Variants in ALG14 observed in about 807,000 individuals in gnomAD.
ALG14 encodes the protein UDP-N-acetylglucosamine transferase subunit ALG14.
Under a neutral mutation model 22.8 loss-of-function variants are expected in ALG14, and 17 were observed. That is an observed-to-expected ratio of 0.75 (90% CI 0.51 to 1.12). The LOEUF (loss-of-function observed/expected upper bound fraction) is 1.12, where lower values mean the gene tolerates loss of function less well. Ranked by LOEUF, ALG14 falls within the 50% of genes most tolerant of loss-of-function variation. ALG14 has a pLI of 0.00. For missense variants in ALG14, 288 were observed against 271.8 expected (o/e 1.06, Z -0.42); for synonymous variants, 89 against 103.7 (o/e 0.86, Z 0.86).
intron 1 of ALG14, among the ~76,000 whole-genome samples, chr1:95,071,847 A>G (rs1328206198): frequency 6.6e-6 from 1 of 152,228 alleles, no homozygotes; most frequent in Non-Finnish European, 1.5e-5. Flanking sequence ...AATTATTACA[A>G]GATTATAGCA....
intron 3 of ALG14, among the ~76,000 whole-genome samples, chr1:95,018,813 G>A (rs553758406): frequency 6.6e-6 from 1 of 152,290 alleles, no homozygotes; most frequent in Non-Finnish European, 1.5e-5. Context: ...AACTGCAACA[G>A]GCAAATTGGC....
Position 95,065,013 on chromosome 1 carries a change from C to A in ALG14, c.141G>T (p.Gly47=), listed in dbSNP as rs954876014. The A allele has an allele frequency of 1.9e-6, 3 of 1,609,174 alleles. No individual in the cohort carries two copies. The highest frequency in any genetic ancestry group is 1.3e-5 in the African/African-American group (1 of 74,636). Residue 47 remains glycine (G), a synonymous_variant, in exon 2 of 4, where the codon GGG becomes GGT. Coordinates refer to ENST00000370205, the MANE Select transcript of ALG14 (RefSeq NM_144988.4). ...LSILVVAGSG[G]HTTEILRLLG... is the part of the protein sequence containing the mutation. ...GCAGCCTCAGGATCTCAGTGGTATG[C>A]CCACCTGGAAAAAATATCAGAAGTC... is the stretch of plus-strand genomic sequence containing the variant.
At chr1:95,025,375 G>C (rs1673782473) in intron 3 of ALG14, among the ~76,000 whole-genome samples, 1 of 152,142 alleles carries the variant, frequency 6.6e-6, no homozygotes, top group Non-Finnish European at 1.5e-5. Context: ...TCCACTTACA[G>C]AGCACAGGCA....
chr1:95,008,623 G>T lies in ALG14; in HGVS notation c.420+18506C>A, dbSNP rs562768547. 8.7e-4 allele frequency among the ~76,000 whole-genome samples: 132 copies of T among 152,220 alleles called. 1 individual carries two copies. Among genetic ancestry groups the T allele is most frequent in the African/African-American group, 3.1e-3 (127 of 41,556 alleles). ...TGGATTTAAATGATCCAGTAAGTGG[G>T]TAGCAGGAGAGCTATGGTTGTATAA... is the stretch of plus-strand genomic sequence containing the variant. On this transcript the variant is annotated intron_variant, in intron 3 of 3. Coordinates refer to ENST00000370205, the MANE Select transcript of ALG14 (RefSeq NM_144988.4).
chr1:95,028,680 T>G (rs147183319), intron 2 of ALG14, among the ~76,000 whole-genome samples: 1,474 of 132,700 alleles, frequency 0.011, 21 homozygotes, highest in African/African-American at 0.038. Context: ...ATAGCTGTAG[T>G]CTCAGCTATT....
rs544532992 is a variant in ALG14 at position 95,065,942 on chromosome 1, C to T, written c.137-925G>A. On this transcript the variant is annotated intron_variant, in intron 1 of 3. Transcript: ENST00000370205. The stretch of plus-strand genomic sequence containing the variant: ...AATAGAATATCTACCTATCTATAAA[C>T]GATTTAAGCACAACAGTCAAACTCC... Among the ~76,000 whole-genome samples the T allele has an allele frequency of 6.6e-5, 10 of 152,268 alleles. 1 individual carries two copies. The highest frequency in any genetic ancestry group is 6.2e-4 in the South Asian group (3 of 4,826).
In ALG14 at chr1:94,995,641, G is replaced by A. The variant is rs145628558; in HGVS notation, c.421-12335C>T. On this transcript the variant is annotated intron_variant, in intron 3 of 3. Coordinates refer to ENST00000370205, the MANE Select transcript of ALG14 (RefSeq NM_144988.4). ...GGCAAGACAACTGCTTGGACCTGGC[G>A]GGGCAGAGGATGCAGTGAGCTGAGA... Among the ~76,000 whole-genome samples, 502 of 152,310 alleles carry A rather than the reference G, an allele frequency of 3.3e-3. 1 individual carries two copies. Among genetic ancestry groups the A allele is most frequent in the African/African-American group, 0.011 (477 of 41,568 alleles).
At chr1:95,032,738 A>T (rs1206122734) in intron 2 of ALG14, among the ~76,000 whole-genome samples, 5 of 152,112 alleles carry the variant, frequency 3.3e-5, no homozygotes, top group Admixed American at 2.0e-4. Context: ...GTAGATGGGA[A>T]CCCGGGCCAT....
At chr1:94,995,471 G>A (rs574664299) in intron 3 of ALG14, among the ~76,000 whole-genome samples, 16 of 152,198 alleles carry the variant, frequency 1.1e-4, no homozygotes, top group Non-Finnish European at 2.1e-4. Context: ...CCAGCACTTC[G>A]GGAGGCCGAG....
At chr1:94,984,887 A>G (rs1672597012) in intron 3 of ALG14, among the ~76,000 whole-genome samples, 1 of 152,218 alleles carries the variant, frequency 6.6e-6, no homozygotes, top group South Asian at 2.1e-4. Flanking sequence ...TTTTACGTGT[A>G]TTACATTTTA....
chr1:94,976,821 T>C lies in ALG14; in HGVS notation c.*6255A>G, dbSNP rs181189917. On this transcript the variant is annotated 3_prime_UTR_variant, in exon 4 of 4. Coordinates refer to ENST00000370205, the MANE Select transcript of ALG14 (RefSeq NM_144988.4). ...ATGTCATTCCTCTGATTATGTTACATTAACATGGCAAAAGGGACGTAATTA... is the reference window on the plus strand; with the variant it reads ...ATGTCATTCCTCTGATTATGTTACACTAACATGGCAAAAGGGACGTAATTA... 6.6e-6 allele frequency: 1 copy of C among 152,330 alleles called. No homozygotes were observed. The highest frequency in any genetic ancestry group is 2.4e-5 in the African/African-American group (1 of 41,566). The allele number at this position is 152,330 out of a possible 1,614,324, so 9.4% of individuals were successfully genotyped here.
At chr1:95,034,079 C>T (rs916416817) in intron 2 of ALG14, among the ~76,000 whole-genome samples, 4 of 152,190 alleles carry the variant, frequency 2.6e-5, no homozygotes, top group Non-Finnish European at 4.4e-5. Context: ...ATGTGTCAGA[C>T]TCACTCCTTC....
At chr1:95,053,133 A>G (rs1201215513) in intron 2 of ALG14, among the ~76,000 whole-genome samples, 2 of 152,192 alleles carry the variant, frequency 1.3e-5, no homozygotes, top group African/African-American at 2.4e-5. Context: ...AAATTCTGCT[A>G]TATGTCATTT....
intron 1 of ALG14, 85 bp from the exon 2 acceptor site, chr1:95,065,102 C>A: frequency 8.0e-7 from 1 of 1,255,472 alleles, no homozygotes. Flanking sequence ...ATCATGGTTT[C>A]AGGTTGGGGG....
rs1050399193 is a variant in ALG14 at position 94,978,355 on chromosome 1, C to G, written c.*4721G>C. Reference sequence around the variant, plus strand: ...GGATTACAGGCGTGAGCCACCATGCCTGGCCAAATAATTTATGTATTTAAT... The same window carrying G: ...GGATTACAGGCGTGAGCCACCATGCGTGGCCAAATAATTTATGTATTTAAT... On this transcript the variant is annotated 3_prime_UTR_variant, in exon 4 of 4. Coordinates refer to ENST00000370205, the MANE Select transcript of ALG14 (RefSeq NM_144988.4). The G allele has an allele frequency of 1.3e-5, 2 of 152,240 alleles. No individual in the cohort carries two copies. Among genetic ancestry groups the G allele is most frequent in the African/African-American group, 4.8e-5 (2 of 41,456 alleles). The allele number at this position is 152,240 out of a possible 1,614,324, so 9.4% of individuals were successfully genotyped here. A position where few individuals can be genotyped will look rare whatever the true frequency, so the allele number is the denominator to read the frequency against.
chr1:95,072,710 C>G (rs1675609727), intron 1 of ALG14, 53 bp downstream of exon 1: 3 of 1,600,950 alleles, frequency 1.9e-6, no homozygotes, highest in Non-Finnish European at 1.7e-6. Flanking sequence ...GCGGTGCACT[C>G]TGGGGTTTGT....
intron 3 of ALG14, among the ~76,000 whole-genome samples, chr1:95,009,176 A>G (rs1673297485): frequency 6.6e-6 from 1 of 151,570 alleles, no homozygotes. Context: ...CTAGGAGTAA[A>G]TTTGCTGGAT....
chr1:94,986,523 A>C (rs1474015304), intron 3 of ALG14, among the ~76,000 whole-genome samples: 1 of 151,852 alleles, frequency 6.6e-6, no homozygotes, highest in Non-Finnish European at 1.5e-5. Flanking sequence ...ACCAGGCTAT[A>C]GTGCAGTAGC....
At chr1:95,008,059 T>G (rs1673265302) in intron 3 of ALG14, among the ~76,000 whole-genome samples, 1 of 152,220 alleles carries the variant, frequency 6.6e-6, no homozygotes, top group Admixed American at 6.5e-5. Context: ...CTATTTTTGT[T>G]TTTCTCAGTA....
Sources: gnomAD v4.1 joint callset for allele counts (sites outside exome capture counted in the v4.1 genomes callset) on GRCh38, gnomAD v4.1.1 for gene constraint, MANE v1.5 for transcripts, NCBI Gene and HGNC (gene_info 2026-07-23, HGNC 2026-07-21) for gene names.